Variants in DOCK1 observed in about 807,000 individuals in gnomAD.
The protein encoded by DOCK1 is dedicator of cytokinesis protein 1.
DOCK1 carries 138 observed loss-of-function variants against 262.7 expected under a neutral mutation model. The ratio of observed to expected loss-of-function variants is 0.53; its 90% CI spans 0.46 to 0.61. The LOEUF is 0.61. Among genes scored for constraint, DOCK1 ranks in the 20% least tolerant of loss-of-function variants. The pLI is 0.00. For missense variants in DOCK1, 1,908 were observed against 2,370.7 expected (o/e 0.80, Z 4.05); for synonymous variants, 866 against 867.4 (o/e 1.00, Z 0.03).
chr10:127,180,057 G>A (rs966797297), intron 27 of DOCK1, among the ~76,000 whole-genome samples: 6 of 152,162 alleles, frequency 3.9e-5, no homozygotes, highest in Non-Finnish European at 7.3e-5. Flanking sequence ...AGCTGAATCC[G>A]TTTGAATCAC....
At chr10:127,247,577 T>C (rs1301611661) in intron 27 of DOCK1, among the ~76,000 whole-genome samples, 4 of 152,182 alleles carry the variant, frequency 2.6e-5, no homozygotes, top group Non-Finnish European at 4.4e-5. Context: ...TTAATTTTCT[T>C]GTATTTAATG....
At position 127,451,389 on chromosome 10, in the gene DOCK1, C is replaced by T. The variant is rs781421126; in HGVS notation, c.5623C>T (p.Arg1875Cys). 1.9e-6 allele frequency: 3 copies of T among 1,598,862 alleles called. No individual in the cohort carries two copies. The highest frequency in any genetic ancestry group is 1.7e-5 in the Admixed American group (1 of 58,190). Residue 1875 changes from arginine to cysteine, a missense_variant, in exon 52 of 52, where the codon CGC (arginine) becomes TGC (cysteine). Physicochemically the swap from Arg to Cys is radical, Grantham distance 180. Coordinates refer to ENST00000623213, the MANE Select transcript of DOCK1 (RefSeq NM_001290223.2). ...GCCTCCTCCCCCTCCAAAGACAACT[C>T]GCAAGCAGGCATCGGTGGACTCCGG... is the stretch of plus-strand genomic sequence containing the variant. Reference protein sequence around the residue: ...TPPPPPPKTTRKQASVDSGIV... With the variant: ...TPPPPPPKTTCKQASVDSGIV...
At chr10:127,108,692 A>T (rs1392298494) in intron 24 of DOCK1, among the ~76,000 whole-genome samples, 1 of 152,200 alleles carries the variant, frequency 6.6e-6, no homozygotes, top group East Asian at 1.9e-4. Context: ...CATTGTTAGT[A>T]ACTTTCATGC....
intron 25 of DOCK1, among the ~76,000 whole-genome samples, chr10:127,112,263 C>T (rs939062588): frequency 5.9e-5 from 9 of 152,188 alleles, no homozygotes; most frequent in African/African-American, 1.9e-4. Flanking sequence ...CCACCCGCCT[C>T]GGCCTCCCAG....
At chr10:127,067,272 T>C (rs2135886603) in intron 23 of DOCK1, among the ~76,000 whole-genome samples, 1 of 152,268 alleles carries the variant, frequency 6.6e-6, no homozygotes, top group East Asian at 1.9e-4. Context: ...CAGTGCTGGA[T>C]TGAGGCGTTT....
intron 27 of DOCK1, among the ~76,000 whole-genome samples, chr10:127,183,210 C>T (rs1223705525): frequency 6.6e-6 from 1 of 151,662 alleles, no homozygotes; most frequent in Non-Finnish European, 1.5e-5. Flanking sequence ...TGACACTTCC[C>T]AGTCTTATTT....
At chr10:126,920,416 A>T (rs4255455) in intron 1 of DOCK1, among the ~76,000 whole-genome samples, 5 of 152,168 alleles carry the variant, frequency 3.3e-5, no homozygotes, top group Admixed American at 3.3e-4. Context: ...TGCTTGAGTC[A>T]CGCTTCCAGC....
intron 38 of DOCK1, among the ~76,000 whole-genome samples, chr10:127,398,778 AATT>A: frequency 6.6e-6 from 1 of 152,240 alleles, no homozygotes; most frequent in South Asian, 2.1e-4. Context: ...CGCCAGCCTG[AATT>A]ATTAGAAAGG....
intron 4 of DOCK1, among the ~76,000 whole-genome samples, chr10:126,982,386 G>T (rs1221000259): frequency 3.3e-5 from 5 of 152,062 alleles, no homozygotes; most frequent in Non-Finnish European, 7.4e-5. Context: ...GTTAAATTGG[G>T]ACATGCAGGA....
At chr10:127,252,073 C>T (rs1425685958) in intron 28 of DOCK1, among the ~76,000 whole-genome samples, 64 of 150,276 alleles carry the variant, frequency 4.3e-4, no homozygotes, top group African/African-American at 1.5e-3. Flanking sequence ...TTAATGATTG[C>T]CATTCTAACT....
At chr10:127,378,896 T>C (rs1419201445) in intron 35 of DOCK1, among the ~76,000 whole-genome samples, 1 of 152,274 alleles carries the variant, frequency 6.6e-6, no homozygotes, top group African/African-American at 2.4e-5. Flanking sequence ...CTTGAAAATC[T>C]TGGTGCATTT....
chr10:126,914,275 T>C (rs1450185146), intron 1 of DOCK1, among the ~76,000 whole-genome samples: 1 of 152,238 alleles, frequency 6.6e-6, no homozygotes, highest in Admixed American at 6.5e-5. Context: ...TCATCAGAAA[T>C]GTTACCTTGA....
At chr10:127,173,495 G>A (rs7916891) in intron 27 of DOCK1, among the ~76,000 whole-genome samples, 22,035 of 152,096 alleles carry the variant, frequency 0.14, 1,895 homozygotes, top group African/African-American at 0.23. Flanking sequence ...TCTTGTGTTC[G>A]TGGGTGTTCA....
chr10:127,010,391 C>T (rs963169199), intron 11 of DOCK1, among the ~76,000 whole-genome samples: 8 of 152,126 alleles, frequency 5.3e-5, no homozygotes, highest in Non-Finnish European at 1.0e-4. Flanking sequence ...CGCTTGAACC[C>T]GGGAGGCAGA....
intron 29 of DOCK1, among the ~76,000 whole-genome samples, chr10:127,338,405 A>G (rs1302734053): frequency 6.6e-6 from 1 of 152,240 alleles, no homozygotes; most frequent in East Asian, 1.9e-4. Flanking sequence ...TTATCAATGA[A>G]TCAAGAAATT....
rs1416157083 is a variant in DOCK1 at position 127,437,831 on chromosome 10, A to G, written c.5061-1196A>G. 6.6e-6 allele frequency among the ~76,000 whole-genome samples: 1 copy of G among 152,182 alleles called. No homozygotes were observed. Among genetic ancestry groups the G allele is most frequent in the Non-Finnish European group, 1.5e-5 (1 of 68,032 alleles). On this transcript the variant is annotated intron_variant, in intron 48 of 51. Transcript: ENST00000623213. The surrounding 1 kb of genome is among the most constrained non-coding windows in gnomAD (Gnocchi z 4.4). ...TGGCTTTCTTCCAAGTGTCCCATTC[A>G]GAAATACATGTAAAAGAAACTAGAG...
chr10:126,968,116 C>G (rs2037813963), intron 1 of DOCK1, among the ~76,000 whole-genome samples: 1 of 152,124 alleles, frequency 6.6e-6, no homozygotes, highest in Non-Finnish European at 1.5e-5. Flanking sequence ...CAGGCATGAG[C>G]TGCCACACCC....
intron 27 of DOCK1, among the ~76,000 whole-genome samples, chr10:127,173,437 C>T (rs1017030318): frequency 2.0e-5 from 3 of 152,194 alleles, no homozygotes; most frequent in Non-Finnish European, 2.9e-5. Context: ...CATACTTGTT[C>T]TAAGAGGAGT....
intron 29 of DOCK1, among the ~76,000 whole-genome samples, chr10:127,262,596 C>T (rs200847487): frequency 4.3e-5 from 3 of 70,556 alleles, no homozygotes; most frequent in African/African-American, 9.5e-5. Flanking sequence ...TTATTGCCTT[C>T]ATGTGGTAAG....
Sources: gnomAD v4.1 joint callset for allele counts (sites outside exome capture counted in the v4.1 genomes callset) on GRCh38, gnomAD v4.1.1 for gene constraint, Gnocchi (gnomAD v3.1) non-coding constraint, MANE v1.5 for transcripts, NCBI Gene and HGNC (gene_info 2026-07-23, HGNC 2026-07-21) for gene names.